Variants in CBY3 observed in about 807,000 individuals in gnomAD.
CBY3 encodes the protein chibby family member 3.
A neutral mutation model predicts 3.0 loss-of-function variants in CBY3; 7 were observed. The ratio of observed to expected loss-of-function variants is 2.32; its 90% confidence interval spans 1.32 to 4.35. The LOEUF is 4.35. CBY3 is among the 30% of genes most tolerant of loss of function. The pLI is 0.00. For missense variants in CBY3, 400 were observed against 336.4 expected, an observed-to-expected ratio of 1.19 and a Z score of -1.48; for synonymous variants, 170 against 154.5, an observed-to-expected ratio of 1.10 and a Z score of -0.74.
chr5:179,679,663 TTTC>T (rs1776003175), intron 1 of CBY3, among the ~76,000 whole-genome samples: 1 of 151,974 alleles, frequency 6.6e-6, no homozygotes. Flanking sequence ...GGGCTTTCTT[TTTC>T]TTTTTTTTTG....
Position 179,680,933 on chromosome 5 carries a change from G to T in CBY3, c.-15C>A. The T allele has an allele frequency of 6.5e-7, 1 of 1,535,750 alleles. No homozygotes were observed. The highest frequency in any genetic ancestry group is 8.7e-7 in the Non-Finnish European group (1 of 1,146,118). On this transcript the variant is annotated 5_prime_UTR_variant, in exon 1 of 2. Transcript: ENST00000376974. ...GAAGCCCACATCCAGGCCCACCCTT[G>T]AGATTGTATCTTCTCGGAGGATGTT...
Position 179,678,634 on chromosome 5 carries a change from G to T in CBY3, c.678C>A (p.Gly226=). The T allele has an allele frequency of 6.5e-7, 1 of 1,533,094 alleles. No homozygotes were observed. The highest frequency in any genetic ancestry group is 8.7e-7 in the Non-Finnish European group (1 of 1,144,296). The allele number at this position is 1,533,094 out of a possible 1,614,324, so 95.0% of individuals were successfully genotyped here. The change falls in exon 2 of 2, where the codon GGC becomes GGA. Residue 226 remains glycine, a synonymous_variant. Coordinates refer to ENST00000376974, the MANE Select transcript of CBY3 (RefSeq NM_001164444.2). ...AGQRKMRKRA[G]ASAGVLMIQP... is the part of the protein sequence containing the mutation. ...GGATCATGAGCACGCCCGCGCTGGC[G>T]CCTGCGCGCTTGCGCATCTTCCTCT...
At chr5:179,680,761 T>C (rs1410885060) in intron 1 of CBY3, 112 bp downstream of exon 1, 7 of 760,510 alleles carry the variant, frequency 9.2e-6, no homozygotes, top group East Asian at 8.4e-5. Flanking sequence ...CTTCTGCCCA[T>C]GGGCAGTGAG....
chr5:179,680,460 C>G (rs114443236), intron 1 of CBY3, among the ~76,000 whole-genome samples: 1 of 152,066 alleles, frequency 6.6e-6, no homozygotes, highest in Non-Finnish European at 1.5e-5. Context: ...CCTCAAGGTG[C>G]TCCTAATCCA....
chr5:179,678,752 A>C lies in CBY3; in HGVS notation c.560T>G (p.Ile187Arg). ...NYLKLQQELL[I>R]DMLTETMARM... ...CGCCATGGTCTCAGTCAGCATGTCT[A>C]TGAGCAGTTCCTGCTGCAGCTTCAG... The change falls in exon 2 of 2, where the codon ATA (isoleucine) becomes AGA (arginine). Residue 187 changes from isoleucine (I) to arginine (R), a missense_variant. Ile to Arg is a moderately conservative substitution (Grantham distance 97). Coordinates refer to ENST00000376974, the MANE Select transcript of CBY3 (RefSeq NM_001164444.2). 6.5e-7 allele frequency: 1 copy of C among 1,537,054 alleles called. No homozygotes were observed. The highest frequency in any genetic ancestry group is 8.7e-7 in the Non-Finnish European group (1 of 1,146,760).
At position 179,679,241 on chromosome 5, in the gene CBY3, G is replaced by A; in HGVS notation, c.71C>T (p.Ser24Leu). The stretch of plus-strand genomic sequence containing the variant: ...TCTCGGGAGCCCGGATGTCCAGAAT[G>A]ATGAAGGCGAGCCAGGGGGCGCTGC... ...GDAAPPGSPSSFWTSGLPRQE... is the reference protein window; with the variant it reads ...GDAAPPGSPSLFWTSGLPRQE... The change falls in exon 2 of 2, where the codon TCA becomes TTA. Residue 24 changes from serine to leucine, a missense_variant. Coordinates refer to ENST00000376974, the MANE Select transcript of CBY3 (RefSeq NM_001164444.2). 1 of 1,529,416 alleles carries A rather than the reference G, an allele frequency of 6.5e-7. No homozygotes were observed. The highest frequency in any genetic ancestry group is 2.5e-5 in the East Asian group (1 of 40,788). The allele number at this position is 1,529,416 out of a possible 1,614,324, so 94.7% of individuals were successfully genotyped here.
At chr5:179,679,899 T>C (rs1776013490) in intron 1 of CBY3, among the ~76,000 whole-genome samples, 1 of 148,416 alleles carries the variant, frequency 6.7e-6, no homozygotes. Context: ...CCTCAGGTGA[T>C]CCACCCAACT....
chr5:179,679,221 G>A lies in CBY3; in HGVS notation c.91C>T (p.Pro31Ser). 6.5e-7 allele frequency: 1 copy of A among 1,533,732 alleles called. No individual in the cohort carries two copies. The highest frequency in any genetic ancestry group is 8.7e-7 in the Non-Finnish European group (1 of 1,146,472). The change falls in exon 2 of 2, where the codon CCG becomes TCG. Residue 31 changes from proline to serine, a missense_variant. Coordinates refer to ENST00000376974, the MANE Select transcript of CBY3 (RefSeq NM_001164444.2). ...SPSSFWTSGL[P>S]RQERSTSRQR... ...CGACTCGTGCTGCGCTCTTGTCTCG[G>A]GAGCCCGGATGTCCAGAATGATGAA...
intron 1 of CBY3, 55 bp from the exon 2 acceptor site, chr5:179,679,320 C>G (rs898804024): frequency 2.1e-5 from 29 of 1,382,034 alleles, no homozygotes; most frequent in Admixed American, 2.6e-5. Flanking sequence ...GCCTCTCAAA[C>G]CGCGAGGCCG....
In CBY3 at chr5:179,679,153, G is replaced by A; in HGVS notation, c.159C>T (p.Tyr53=). The change falls in exon 2 of 2, where the codon TAC becomes TAT. Residue 53 remains tyrosine (Y), a synonymous_variant. Coordinates refer to ENST00000376974, the MANE Select transcript of CBY3 (RefSeq NM_001164444.2). ...RGSPSSTCVP[Y]KVHALATFEC... ...CGAAGGTTGCCAGGGCGTGGACCTT[G>A]TAGGGCACGCAGGTGCTCGAAGGGG... The A allele has an allele frequency of 6.5e-7, 1 of 1,535,548 alleles. No individual in the cohort carries two copies. Among genetic ancestry groups the A allele is most frequent in the Non-Finnish European group, 8.7e-7 (1 of 1,146,848 alleles).
chr5:179,678,678 C>A lies in CBY3; in HGVS notation c.634G>T (p.Ala212Ser), dbSNP rs1456094650. ...TTCCTCTGCCCGGCGCGCGCCGCAG[C>A]CGTCGGGATCACCTCGGGGTTGCGC... ...KQRNPEVIPT[A>S]AARAGQRKMR... Residue 212 changes from alanine (A) to serine (S), a missense_variant, in exon 2 of 2, where the codon GCT becomes TCT. By Grantham distance (99) the Ala-to-Ser change is moderately conservative (BLOSUM62 1). Transcript: ENST00000376974. 3.9e-6 allele frequency: 6 copies of A among 1,535,788 alleles called. No homozygotes were observed. Among genetic ancestry groups the A allele is most frequent in the Admixed American group, 2.0e-5 (1 of 50,916 alleles).
At chr5:179,680,029 T>G (rs549332679) in intron 1 of CBY3, among the ~76,000 whole-genome samples, 1 of 144,432 alleles carries the variant, frequency 6.9e-6, no homozygotes, top group Non-Finnish European at 1.5e-5. Context: ...GCCAGGCTGG[T>G]CTCGAACTCC....
chr5:179,679,475 G>A (rs1775997588), intron 1 of CBY3, among the ~76,000 whole-genome samples: 1 of 152,176 alleles, frequency 6.6e-6, no homozygotes, highest in Admixed American at 6.6e-5. Context: ...CAGGCCCTGG[G>A]ATACATATGC....
Position 179,680,930 on chromosome 5 carries a change from C to T in CBY3, c.-12G>A, listed in dbSNP as rs1207959800. 6.5e-7 allele frequency: 1 copy of T among 1,536,120 alleles called. No homozygotes were observed. Among genetic ancestry groups the T allele is most frequent in the Non-Finnish European group, 8.7e-7 (1 of 1,146,394 alleles). On this transcript the variant is annotated 5_prime_UTR_variant, in exon 1 of 2. Coordinates refer to ENST00000376974, the MANE Select transcript of CBY3 (RefSeq NM_001164444.2). ...CTGGAAGCCCACATCCAGGCCCACCCTTGAGATTGTATCTTCTCGGAGGAT... is the reference window on the plus strand; with the variant it reads ...CTGGAAGCCCACATCCAGGCCCACCTTTGAGATTGTATCTTCTCGGAGGAT...
rs1775979419 is a variant in CBY3 at position 179,679,044 on chromosome 5, G to A, written c.268C>T (p.Pro90Ser). Reference protein sequence around the residue: ...WADHISRPFSPRRPPLRRMPS... With the variant: ...WADHISRPFSSRRPPLRRMPS... ...ATGCGGCGCAGTGGCGGCCGCCGTGGCGAGAAGGGCCGCGAGATGTGATCG... is the reference window on the plus strand; with the variant it reads ...ATGCGGCGCAGTGGCGGCCGCCGTGACGAGAAGGGCCGCGAGATGTGATCG... The change falls in exon 2 of 2, where the codon CCA becomes TCA. Residue 90 changes from proline to serine, a missense_variant. Physicochemically the swap from Pro to Ser is moderately conservative, Grantham distance 74. Coordinates refer to ENST00000376974, the MANE Select transcript of CBY3 (RefSeq NM_001164444.2). 1 of 1,534,566 alleles carries A rather than the reference G, an allele frequency of 6.5e-7. No homozygotes were observed. Among genetic ancestry groups the A allele is most frequent in the Non-Finnish European group, 8.7e-7 (1 of 1,145,882 alleles).
chr5:179,679,584 A>T (rs1776000297), intron 1 of CBY3, among the ~76,000 whole-genome samples: 1 of 152,252 alleles, frequency 6.6e-6, no homozygotes, highest in African/African-American at 2.4e-5. Context: ...TTAAAGGAGG[A>T]GTAGGACTTT....
Position 179,680,680 on chromosome 5 carries a change from C to T in CBY3, c.46+193G>A, listed in dbSNP as rs372744567. ...CCATTTTGCTCACTTCTCTCTGCAC[C>T]CCCCACCCCTGCCCAGTAAGTGCTG... On this transcript the variant is annotated intron_variant, in intron 1 of 1. Transcript: ENST00000376974. Among the ~76,000 whole-genome samples the T allele has an allele frequency of 2.8e-4, 42 of 152,144 alleles. No homozygotes were observed. In the South Asian group the frequency reaches 8.7e-3, roughly 32 times the overall value.
At chr5:179,679,533 G>A (rs1775998912) in intron 1 of CBY3, among the ~76,000 whole-genome samples, 1 of 152,206 alleles carries the variant, frequency 6.6e-6, no homozygotes, top group South Asian at 2.1e-4. Flanking sequence ...AGCTGGAAGG[G>A]TGAGGGGTAG....
chr5:179,680,597 T>A (rs1776038490), intron 1 of CBY3, among the ~76,000 whole-genome samples: 1 of 152,096 alleles, frequency 6.6e-6, no homozygotes, highest in African/African-American at 2.4e-5. Context: ...TAAACATGAC[T>A]TTTATTCCAA....
Sources: allele counts gnomAD v4.1 joint callset (sites outside exome capture counted in the v4.1 genomes callset), GRCh38; gene constraint gnomAD v4.1.1; transcripts MANE v1.5; gene names NCBI Gene and HGNC (gene_info 2026-07-23, HGNC 2026-07-21).